The following PTCHD1 variants were observed in gnomAD, a reference collection of about 807,000 sequenced individuals.
PTCHD1 encodes the protein patched domain containing 1.
Under a neutral mutation model 34.6 loss-of-function variants are expected in PTCHD1, and 3 were observed. The ratio of observed to expected loss-of-function variants is 0.09; its 90% CI spans 0.04 to 0.22. PTCHD1 has a LOEUF of 0.22. Among genes scored for constraint, PTCHD1 ranks in the 10% least tolerant of loss-of-function variants. The probability of loss-of-function intolerance (pLI) is 1.00; values close to 1 mark genes in which losing one functional copy is unlikely to be tolerated. For synonymous variants in PTCHD1, 305 were observed against 283.1 expected, an observed-to-expected ratio of 1.08 and a Z score of -0.77; for missense variants, 504 against 685.5, an observed-to-expected ratio of 0.74 and a Z score of 2.96.
intron 2 of PTCHD1, among the ~76,000 whole-genome samples, chrX:23,389,745 G>A (rs188619237): frequency 5.5e-4 from 61 of 111,647 alleles, no homozygotes; most frequent in Non-Finnish European, 8.8e-4. Context: ...GAAAGGCATC[G>A]TTTCCAAAAG....
At chrX:23,369,089 T>A (rs140286730) in intron 1 of PTCHD1, among the ~76,000 whole-genome samples, 42 of 111,854 alleles carry the variant, frequency 3.8e-4, no homozygotes, top group African/African-American at 1.3e-3. Context: ...AAAAGACACA[T>A]ACATGATGCA....
At position 23,392,645 on chromosome X, in the gene PTCHD1, C is replaced by G; in HGVS notation, c.1127C>G (p.Ser376Cys). 1 of 1,210,975 alleles carries G rather than the reference C, an allele frequency of 8.3e-7. No homozygotes were observed. The highest frequency in any genetic ancestry group is 1.1e-6 in the Non-Finnish European group (1 of 894,535). The change falls in exon 3 of 3, where the codon TCT (serine) becomes TGT (cysteine). Residue 376 changes from serine (S) to cysteine (C), a missense_variant. Ser to Cys is a moderately radical substitution (Grantham distance 112). Transcript: ENST00000379361. ...TATGCAGACTCCATGCTCTCCTTTT[C>G]TCTCACCACTGCCATGTACCTGGTC... ...AVYADSMLSF[S>C]LTTAMYLVTF...
chrX:23,348,371 G>A (rs1446389938), intron 1 of PTCHD1, among the ~76,000 whole-genome samples: 2 of 109,389 alleles, frequency 1.8e-5, no homozygotes, highest in Admixed American at 1.9e-4. Context: ...GAAGAATGAA[G>A]CAGAAGACGT....
intron 1 of PTCHD1, among the ~76,000 whole-genome samples, chrX:23,370,633 T>C (rs1241928454): frequency 2.7e-5 from 3 of 112,070 alleles, no homozygotes; most frequent in Non-Finnish European, 3.8e-5. Flanking sequence ...TTTCTTCTTA[T>C]TTTTTCTTTC....
intron 1 of PTCHD1, among the ~76,000 whole-genome samples, chrX:23,353,122 T>G (rs1040875986): frequency 2.7e-5 from 3 of 112,446 alleles, no homozygotes; most frequent in Non-Finnish European, 5.6e-5. Flanking sequence ...AAAGAATGCA[T>G]GTAAAAACTG....
intron 1 of PTCHD1, among the ~76,000 whole-genome samples, chrX:23,335,533 GGGGGT>G (rs913708656): frequency 1.8e-5 from 2 of 113,300 alleles, no homozygotes; most frequent in Non-Finnish European, 3.7e-5. Flanking sequence ...CAGTGGGCTT[GGGGGT>G]GGGGAGGCTT....
intron 1 of PTCHD1, among the ~76,000 whole-genome samples, chrX:23,348,558 G>A (rs781406704): frequency 1.8e-5 from 2 of 110,550 alleles, no homozygotes; most frequent in African/African-American, 6.6e-5. Flanking sequence ...AGGGTCGGGG[G>A]GACACCTTAT....
chrX:23,397,140 AG>A lies in PTCHD1; in HGVS notation c.*2956del, dbSNP rs1442388333. Reference sequence around the variant, plus strand: ...TTGGTGTTTGTTGTTTGTTTACCAAAGAAAATATTCGATTCATCAAAAATAT... The same window carrying A: ...TTGGTGTTTGTTGTTTGTTTACCAAAAAAATATTCGATTCATCAAAAATAT... On this transcript the variant is annotated 3_prime_UTR_variant, in exon 3 of 3. Transcript: ENST00000379361. The A allele has an allele frequency of 1.8e-5, 2 of 112,132 alleles. No individual in the cohort carries two copies. Among genetic ancestry groups the A allele is most frequent in the Admixed American group, 1.9e-4 (2 of 10,514 alleles). The allele number at this position is 112,132 out of a possible 1,213,427, so 9.2% of individuals were successfully genotyped here.
At chrX:23,361,990 T>G (rs1361948867) in intron 1 of PTCHD1, among the ~76,000 whole-genome samples, 1 of 112,772 alleles carries the variant, frequency 8.9e-6, no homozygotes, top group Non-Finnish European at 1.9e-5. Context: ...CACTCTCTTC[T>G]GGCTTGTAGA....
At chrX:23,340,395 A>G (rs773711777) in intron 1 of PTCHD1, among the ~76,000 whole-genome samples, 1 of 109,395 alleles carries the variant, frequency 9.1e-6, no homozygotes, top group East Asian at 2.9e-4. Context: ...AGCCCAAGAA[A>G]CTGAATGCAG....
At position 23,396,755 on chromosome X, in the gene PTCHD1, T is replaced by G. The variant is rs17332633; in HGVS notation, c.*2570T>G. On this transcript the variant is annotated 3_prime_UTR_variant, in exon 3 of 3. Coordinates refer to ENST00000379361, the MANE Select transcript of PTCHD1 (RefSeq NM_173495.3). Reference sequence around the variant, plus strand: ...CAACTTCTCTTTTCAGCACTTGAAATGAAGGCTTATGGAATTCTGACTGTG... The same window carrying G: ...CAACTTCTCTTTTCAGCACTTGAAAGGAAGGCTTATGGAATTCTGACTGTG... The G allele has an allele frequency of 0.037, 4,182 of 112,357 alleles. 72 individuals carry two copies. Among genetic ancestry groups the G allele is most frequent in the Non-Finnish European group, 0.056 (2,991 of 53,169 alleles). 9.3% of individuals were successfully genotyped at this position (112,357 alleles called of 1,213,427 possible). A position where few individuals can be genotyped will look rare whatever the true frequency, so the allele number is the denominator to read the frequency against.
At chrX:23,341,368 A>G (rs1393115456) in intron 1 of PTCHD1, among the ~76,000 whole-genome samples, 1 of 112,531 alleles carries the variant, frequency 8.9e-6, no homozygotes, top group Non-Finnish European at 1.9e-5. Flanking sequence ...GTAAGCTAAC[A>G]GAAGTTATTT....
intron 1 of PTCHD1, among the ~76,000 whole-genome samples, chrX:23,342,294 ATATATATATATATATATTTT>A (rs1201354948): frequency 1.3e-4 from 1 of 7,829 alleles, no homozygotes; most frequent in Non-Finnish European, 1.8e-4. Flanking sequence ...ATATATATAT[ATATATATATATATATATTTT>A]TTTTTTTTTT....
intron 1 of PTCHD1, among the ~76,000 whole-genome samples, chrX:23,336,168 C>A (rs1921165273): frequency 8.9e-6 from 1 of 111,789 alleles, no homozygotes; most frequent in Non-Finnish European, 1.9e-5. Flanking sequence ...TGGTAACTTT[C>A]AGGAACTTCC....
rs1329920110 is a variant in PTCHD1 at position 23,379,922 on chromosome X, G to A, written c.683G>A (p.Arg228Lys). Residue 228 changes from arginine (R) to lysine (K), a missense_variant, in exon 2 of 3, where the codon AGG (arginine) becomes AAG (lysine). Coordinates refer to ENST00000379361, the MANE Select transcript of PTCHD1 (RefSeq NM_173495.3). Reference sequence around the variant, plus strand: ...AGTCTCAATGACATGGTGGCTGAGAGGTGGGAGTCCAGCTTCTGCGACACT... The same window carrying A: ...AGTCTCAATGACATGGTGGCTGAGAAGTGGGAGTCCAGCTTCTGCGACACT... Reference protein sequence around the residue: ...INSLNDMVAERWESSFCDTVR... With the variant: ...INSLNDMVAEKWESSFCDTVR... 2 of 1,212,037 alleles carry A rather than the reference G, an allele frequency of 1.7e-6. No individual in the cohort carries two copies. The highest frequency in any genetic ancestry group is 1.1e-6 in the Non-Finnish European group (1 of 895,506).
At chrX:23,351,369 G>A in intron 1 of PTCHD1, 2 of 722,721 alleles carry the variant, frequency 2.8e-6, no homozygotes, top group African/African-American at 2.1e-5. Context: ...TATATGAAAT[G>A]TTCATTCTGC....
At chrX:23,342,265 C>CAT (rs1921328923) in intron 1 of PTCHD1, among the ~76,000 whole-genome samples, 3 of 57,471 alleles carry the variant, frequency 5.2e-5, no homozygotes, top group Non-Finnish European at 1.3e-4. Context: ...TGTGTTTCTC[C>CAT]CTATATATAT....
intron 1 of PTCHD1, chrX:23,351,307 C>A (rs924476751): frequency 3.5e-6 from 3 of 866,334 alleles, no homozygotes; most frequent in Non-Finnish European, 1.7e-6. Flanking sequence ...GGACAACTTA[C>A]ACAATTTTGC....
chrX:23,355,597 A>G lies in PTCHD1; in HGVS notation c.351+20371A>G, dbSNP rs141021934. Among the ~76,000 whole-genome samples the G allele has an allele frequency of 1.7e-3, 188 of 112,706 alleles. 2 individuals carry two copies. The highest frequency in any genetic ancestry group is 5.5e-3 in the African/African-American group (171 of 31,022). Reference sequence around the variant, plus strand: ...AAGGTGGCATGTCAGGGCTACTGCTATGTTCCAGGTTCTTCTATTACATTA... The same window carrying G: ...AAGGTGGCATGTCAGGGCTACTGCTGTGTTCCAGGTTCTTCTATTACATTA... On this transcript the variant is annotated intron_variant, in intron 1 of 2. Transcript: ENST00000379361.
Sources: gnomAD v4.1 joint callset for allele counts (sites outside exome capture counted in the v4.1 genomes callset) on GRCh38, gnomAD v4.1.1 for gene constraint, MANE v1.5 for transcripts, NCBI Gene and HGNC (gene_info 2026-07-23, HGNC 2026-07-21) for gene names.